The following ABCA10 variants were observed in gnomAD, a reference collection of about 807,000 sequenced individuals.
ABCA10 encodes the protein ATP-binding cassette sub-family A member 10.
In ABCA10, 169 loss-of-function variants were observed where a neutral mutation model predicts 187.5. The observed-to-expected ratio is 0.90, with a 90% CI of 0.80 to 1.02. ABCA10 has a LOEUF of 1.02. Among genes scored for constraint, ABCA10 ranks in the 50% least tolerant of loss-of-function variants. The pLI is 0.00. For missense variants in ABCA10, 1,727 were observed against 1,812.4 expected (o/e 0.95, Z 0.86); for synonymous variants, 574 against 601.8 (o/e 0.95, Z 0.68).
intron 27 of ABCA10, 75 bp downstream of exon 27, chr17:69,163,999 G>T: frequency 3.5e-6 from 4 of 1,148,386 alleles, no homozygotes; most frequent in South Asian, 1.8e-5. Flanking sequence ...TTTAAATTTG[G>T]CATACCTTGA....
Position 69,193,218 on chromosome 17 carries a change from A to G in ABCA10, c.1672T>C (p.Leu558=), listed in dbSNP as rs755988542. ...ACTCGGTGTCTTGAAAAGGGATCCAATCCAGCAGTTGGTTCATCTAGCAGC... is the reference window on the plus strand; with the variant it reads ...ACTCGGTGTCTTGAAAAGGGATCCAGTCCAGCAGTTGGTTCATCTAGCAGC... ...VLLLDEPTAG[L]DPFSRHRVWS... is the part of the protein sequence containing the mutation. The change falls in exon 15 of 39, where the codon TTG becomes CTG. Residue 558 remains leucine, a synonymous_variant. Transcript: ENST00000690296. 4 of 1,613,864 alleles carry G rather than the reference A, an allele frequency of 2.5e-6. No homozygotes were observed. In the South Asian group the frequency reaches 3.3e-5, roughly 13 times the overall value.
intron 19 of ABCA10, among the ~76,000 whole-genome samples, chr17:69,187,347 T>C (rs1021064107): frequency 1.3e-5 from 2 of 152,144 alleles, no homozygotes; most frequent in Admixed American, 1.3e-4. Flanking sequence ...CCTCTCCTTT[T>C]CTTCTACCAT....
At chr17:69,240,551 G>T (rs1414991037) in intron 1 of ABCA10, among the ~76,000 whole-genome samples, 1 of 152,178 alleles carries the variant, frequency 6.6e-6, no homozygotes, top group East Asian at 1.9e-4. Flanking sequence ...CCAAACTAAA[G>T]CACTCTTCGG....
rs537997674 is a variant in ABCA10, at chr17:69,214,471, C to T, written c.1006+233G>A. 4.2e-3 allele frequency among the ~76,000 whole-genome samples: 632 copies of T among 151,084 alleles called. 8 individuals are homozygous for T. Among genetic ancestry groups the T allele is most frequent in the African/African-American group, 0.014 (559 of 41,140 alleles). ...CGGAGCTTGCAGTGAGCCGAGATCC[C>T]GCCACTGCACTCCAGCCTGGGCGAC... is the stretch of plus-strand genomic sequence containing the variant. On this transcript the variant is annotated intron_variant, in intron 9 of 38. Transcript: ENST00000690296.
intron 5 of ABCA10, among the ~76,000 whole-genome samples, chr17:69,221,085 A>T (rs1216314725): frequency 6.6e-6 from 1 of 152,202 alleles, no homozygotes; most frequent in African/African-American, 2.4e-5. Context: ...AACTTTGTGG[A>T]ACTACAGATA....
At chr17:69,214,216 T>C (rs2074683305) in intron 9 of ABCA10, among the ~76,000 whole-genome samples, 2 of 152,224 alleles carry the variant, frequency 1.3e-5, no homozygotes, top group Admixed American at 6.5e-5. Context: ...AAAATGATTT[T>C]TAAAAATGAT....
intron 1 of ABCA10, among the ~76,000 whole-genome samples, chr17:69,242,763 A>T (rs2074912407): frequency 6.6e-6 from 1 of 152,216 alleles, no homozygotes; most frequent in African/African-American, 2.4e-5. Context: ...ATTCATTTTC[A>T]TTAATTAAGC....
intron 20 of ABCA10, 67 bp from the exon 21 acceptor site, chr17:69,182,875 A>G (rs2074391614): frequency 6.6e-7 from 1 of 1,520,956 alleles, no homozygotes; most frequent in African/African-American, 1.4e-5. Flanking sequence ...GTCAAAGCTT[A>G]AAATAATAAT....
rs764923931 is a variant in ABCA10 at position 69,216,236 on chromosome 17, CTA to C, written c.651_652del (p.Tyr217Ter). 11 of 1,612,944 alleles carry C rather than the reference CTA, an allele frequency of 6.8e-6. No homozygotes were observed. The highest frequency in any genetic ancestry group is 1.3e-5 in the African/African-American group (1 of 74,844). On this transcript the variant is annotated stop_gained and frameshift_variant, in exon 7 of 39. Transcript: ENST00000690296. LOFTEE classifies it high-confidence loss of function. ...ACTCACCAAAGAAAGGCCATATAAG[CTA>C]TAGAGTGTGAATATCACCATGAAGC...
At chr17:69,193,444 G>C (rs1232313521) in intron 14 of ABCA10, 49 bp downstream of exon 14, 10 of 1,576,750 alleles carry the variant, frequency 6.3e-6, no homozygotes, top group Non-Finnish European at 8.6e-6. Context: ...AATAATAGTT[G>C]TATATCCTTC....
chr17:69,194,355 C>T (rs2074483190), intron 12 of ABCA10, 30 bp downstream of exon 12: 3 of 1,572,288 alleles, frequency 1.9e-6, no homozygotes, highest in South Asian at 2.3e-5. Flanking sequence ...GCTTTTTCAG[C>T]CAACTTACTT....
chr17:69,155,817 T>C lies in ABCA10; in HGVS notation c.3564A>G (p.Pro1188=). Residue 1188 remains proline (P), a synonymous_variant, in exon 29 of 39, where the codon CCA becomes CCG. Coordinates refer to ENST00000690296, the MANE Select transcript of ABCA10 (RefSeq NM_001377321.1). ...RVQAANALTA[P]NLEEEPVITA... ...CCCTGCTGTTCACCTCCTCCAAGTTTGGAGCAGTGAGTGCATTTGCTGCTT... is the reference window on the plus strand; with the variant it reads ...CCCTGCTGTTCACCTCCTCCAAGTTCGGAGCAGTGAGTGCATTTGCTGCTT... 3 of 1,613,674 alleles carry C rather than the reference T, an allele frequency of 1.9e-6. No homozygotes were observed. In the South Asian group the frequency reaches 3.3e-5, roughly 18 times the overall value.
At chr17:69,157,551 G>T (rs1007715090) in intron 27 of ABCA10, among the ~76,000 whole-genome samples, 2 of 152,136 alleles carry the variant, frequency 1.3e-5, no homozygotes, top group Non-Finnish European at 2.9e-5. Context: ...AATTCACATC[G>T]CTGGATGGTC....
chr17:69,191,361 A>G, intron 16 of ABCA10, 46 bp from the exon 17 acceptor site: 35 of 1,450,574 alleles, frequency 2.4e-5, no homozygotes, highest in Non-Finnish European at 3.2e-5. Flanking sequence ...CTTTTCCAAC[A>G]CCACCACTCA....
intron 9 of ABCA10, among the ~76,000 whole-genome samples, chr17:69,211,300 TACATC>T (rs1182360636): frequency 6.1e-5 from 3 of 49,160 alleles, no homozygotes; most frequent in African/African-American, 2.9e-4. Flanking sequence ...ATCATATATA[TACATC>T]ATATATATGA....
At position 69,222,647 on chromosome 17, in the gene ABCA10, G is replaced by C; in HGVS notation, c.85C>G (p.Pro29Ala). The change falls in exon 4 of 39, where the codon CCA (proline) becomes GCA (alanine). Residue 29 changes from proline to alanine, a missense_variant. Physicochemically the swap from Pro to Ala is conservative, Grantham distance 27 (BLOSUM62 -1). Transcript: ENST00000690296. ...CCCACCATTTCATGGTATTTTTTTG[G>C]AAGTTCTATATCCATGGTCTCTTCA... ...PDEETMDIEL[P>A]KKYHEMVGVI... 1 of 1,599,106 alleles carries C rather than the reference G, an allele frequency of 6.3e-7. No individual in the cohort carries two copies. Among genetic ancestry groups the C allele is most frequent in the Non-Finnish European group, 8.5e-7 (1 of 1,176,392 alleles).
At chr17:69,201,720 A>T in intron 9 of ABCA10, 52 bp from the exon 10 acceptor site, 1 of 1,370,948 alleles carries the variant, frequency 7.3e-7, no homozygotes, top group Non-Finnish European at 9.8e-7. Flanking sequence ...CACACCAATA[A>T]AAAGGGACAT....
At chr17:69,209,511 A>G (rs895469886) in intron 9 of ABCA10, among the ~76,000 whole-genome samples, 12 of 152,254 alleles carry the variant, frequency 7.9e-5, no homozygotes, top group Non-Finnish European at 1.5e-4. Context: ...CAAATATAAA[A>G]TAAGTCTAGA....
chr17:69,227,463 A>C (rs2074803471), intron 1 of ABCA10, among the ~76,000 whole-genome samples, 178 bp from the exon 2 acceptor site: 1 of 151,820 alleles, frequency 6.6e-6, no homozygotes, highest in African/African-American at 2.4e-5. Flanking sequence ...CTCAGTTGTT[A>C]TTTCTCTCCA....
Sources: gnomAD v4.1 joint callset for allele counts (sites outside exome capture counted in the v4.1 genomes callset) on GRCh38, gnomAD v4.1.1 for gene constraint, MANE v1.5 for transcripts, NCBI Gene and HGNC (gene_info 2026-07-23, HGNC 2026-07-21) for gene names.